The following OOEP variants were observed in gnomAD, a reference collection of about 807,000 sequenced individuals.
The protein encoded by OOEP is oocyte expressed protein, also known as oocyte-expressed protein homolog.
OOEP carries 16 observed loss-of-function variants against 13.7 expected under a neutral mutation model. That is an observed-to-expected ratio of 1.16 (90% CI 0.79 to 1.77). The LOEUF is 1.77. OOEP is among the 40% of genes most tolerant of loss of function. OOEP has a pLI of 0.00. For synonymous variants in OOEP, 89 were observed against 77.1 expected (o/e 1.15, Z -0.81); for missense variants, 195 against 193.1 (o/e 1.01, Z -0.06).
chr6:73,369,737 T>G lies in OOEP; in HGVS notation c.56A>C (p.His19Pro). Residue 19 changes from histidine (H) to proline (P), a missense_variant, in exon 1 of 3, where the codon CAC becomes CCC. Coordinates refer to ENST00000370359, the MANE Select transcript of OOEP (RefSeq NM_001080507.3). ...TAACCTACGCAGCTGCTCCAGGGAG[T>G]GGGCCGGAGTCTGTTTGCCCCGCTG... The part of the protein sequence containing the change: ...ESQRGKQTPA[H>P]SLEQLRRLPL... 6.2e-7 allele frequency: 1 copy of G among 1,613,940 alleles called. No homozygotes were observed. Among genetic ancestry groups the G allele is most frequent in the African/African-American group, 1.3e-5 (1 of 75,028 alleles).
intron 1 of OOEP, 64 bp downstream of exon 1, chr6:73,369,539 T>C: frequency 6.5e-7 from 1 of 1,545,074 alleles, no homozygotes; most frequent in Non-Finnish European, 8.9e-7. Context: ...TGTAGAGAGC[T>C]GCTCTGCCAA....
At chr6:73,372,694 C>A (rs1467018904), upstream of OOEP, among the ~76,000 whole-genome samples, 1 of 152,082 alleles carries the variant, frequency 6.6e-6, no homozygotes, top group Non-Finnish European at 1.5e-5. Flanking sequence ...GAAGCCAACA[C>A]CAGAGACTGA....
chr6:73,389,706 AG>A (rs1253022924), intron 2 of OOEP, among the ~76,000 whole-genome samples: 1 of 120,762 alleles, frequency 8.3e-6, no homozygotes, highest in African/African-American at 3.5e-5. Context: ...GGGTGGGGGG[AG>A]GGGGGAAGGG....
chr6:73,379,413 G>A (rs1769172542), intron 2 of OOEP, among the ~76,000 whole-genome samples: 1 of 151,300 alleles, frequency 6.6e-6, no homozygotes, highest in South Asian at 2.1e-4. Flanking sequence ...GGAGGCCAAG[G>A]CGGGTGGATC....
At chr6:73,369,000 T>C (rs996728838) in intron 2 of OOEP, 137 bp from the exon 3 acceptor site, 14 of 817,678 alleles carry the variant, frequency 1.7e-5, no homozygotes, top group Non-Finnish European at 2.6e-5. Flanking sequence ...ACTTGGGCAG[T>C]GATGGGTCTG....
intron 2 of OOEP, among the ~76,000 whole-genome samples, chr6:73,392,071 C>T (rs778343820): frequency 2.6e-5 from 4 of 152,154 alleles, no homozygotes; most frequent in Admixed American, 1.3e-4. Flanking sequence ...CCCTCTGCTT[C>T]TACTTTCTGG....
intron 2 of OOEP, among the ~76,000 whole-genome samples, chr6:73,389,540 A>G (rs1562280373): frequency 6.6e-6 from 1 of 152,136 alleles, no homozygotes; most frequent in African/African-American, 2.4e-5. Flanking sequence ...TTTTATCGCA[A>G]AAGGCTTAGG....
chr6:73,372,311 G>C (rs1472822904), upstream of OOEP, among the ~76,000 whole-genome samples: 1 of 152,032 alleles, frequency 6.6e-6, no homozygotes, highest in Non-Finnish European at 1.5e-5. Context: ...ATCTTGTGGG[G>C]ATCTTCTGCC....
chr6:73,369,750 G>T lies in OOEP; in HGVS notation c.43C>A (p.Gln15Lys), dbSNP rs201448640. The part of the protein sequence containing the change: ...AGAAESQRGK[Q>K]TPAHSLEQLR... ...TGCTCCAGGGAGTGGGCCGGAGTCT[G>T]TTTGCCCCGCTGGGACTCAGCGGCA... The change falls in exon 1 of 3, where the codon CAG (glutamine) becomes AAG (lysine). Residue 15 changes from glutamine to lysine, a missense_variant. Transcript: ENST00000370359. 1.9e-6 allele frequency: 3 copies of T among 1,613,978 alleles called. No homozygotes were observed. Among genetic ancestry groups the T allele is most frequent in the Non-Finnish European group, 2.5e-6 (3 of 1,179,880 alleles).
Position 73,369,835 on chromosome 6 carries a change from C to CT in OOEP, c.-44_-43insA. 1 of 1,569,976 alleles carries CT rather than the reference C, an allele frequency of 6.4e-7. No homozygotes were observed. The highest frequency in any genetic ancestry group is 8.7e-7 in the Non-Finnish European group (1 of 1,149,376). On this transcript the variant is annotated 5_prime_UTR_variant, in exon 1 of 3. Coordinates refer to ENST00000370359, the MANE Select transcript of OOEP (RefSeq NM_001080507.3). ...CGGAGCGCGCTCGAGGCGGCTTTCGCAAGACCTCTTCCAGACCCAGGCGCG... is the reference window on the plus strand; with the variant it reads ...CGGAGCGCGCTCGAGGCGGCTTTCGCTAAGACCTCTTCCAGACCCAGGCGCG...
intron 2 of OOEP, among the ~76,000 whole-genome samples, chr6:73,375,789 CCCTT>C (rs1769130605): frequency 1.9e-5 from 2 of 105,238 alleles, no homozygotes; most frequent in African/African-American, 3.6e-5. Flanking sequence ...ATAATGATCT[CCCTT>C]TTTTTTTTTT....
At chr6:73,373,965 A>C (rs1388704323), upstream of OOEP, among the ~76,000 whole-genome samples, 1 of 151,970 alleles carries the variant, frequency 6.6e-6, no homozygotes, top group Non-Finnish European at 1.5e-5. Flanking sequence ...CTGAGGCGGG[A>C]GGATCACTTG....
At chr6:73,384,311 A>G (rs1478117111) in intron 2 of OOEP, among the ~76,000 whole-genome samples, 2 of 152,184 alleles carry the variant, frequency 1.3e-5, no homozygotes, top group Non-Finnish European at 2.9e-5. Context: ...AACATTTCCG[A>G]CAAAGAAAAG....
upstream of OOEP, chr6:73,373,394 A>C: frequency 3.3e-6 from 3 of 897,806 alleles, no homozygotes; most frequent in African/African-American, 1.7e-5. Context: ...GCACGATCTC[A>C]GCTCACTGGG....
At chr6:73,369,919 C>T (rs1769022330), upstream of OOEP, 2 of 838,010 alleles carry the variant, frequency 2.4e-6, no homozygotes, top group Non-Finnish European at 3.7e-6. Flanking sequence ...CGGCGCCTCG[C>T]ACCGCGTCGG....
At chr6:73,394,203 G>A (rs780811312) in intron 2 of OOEP, 168 of 555,788 alleles carry the variant, frequency 3.0e-4, no homozygotes, top group Non-Finnish European at 9.1e-5. Context: ...TTTTAATTTT[G>A]TGGATTACAA....
At chr6:73,384,578 T>A (rs1350196648) in intron 2 of OOEP, among the ~76,000 whole-genome samples, 1 of 152,086 alleles carries the variant, frequency 6.6e-6, no homozygotes, top group Admixed American at 6.6e-5. Flanking sequence ...CTCATGCTGG[T>A]AATCTCAGCC....
At chr6:73,387,375 G>A (rs1434594650) in intron 2 of OOEP, among the ~76,000 whole-genome samples, 1 of 151,734 alleles carries the variant, frequency 6.6e-6, no homozygotes, top group Non-Finnish European at 1.5e-5. Context: ...TTAGCCGGGT[G>A]TGGTGGCAGG....
chr6:73,381,205 TAAAAAAAAAA>T (rs66507015), intron 2 of OOEP, among the ~76,000 whole-genome samples: 9 of 101,000 alleles, frequency 8.9e-5, no homozygotes, highest in East Asian at 2.8e-4. Context: ...AAAAAAGTGT[TAAAAAAAAAA>T]AAAAAAAAAA....
Sources: allele counts gnomAD v4.1 joint callset (sites outside exome capture counted in the v4.1 genomes callset), GRCh38; gene constraint gnomAD v4.1.1; transcripts MANE v1.5; gene names NCBI Gene and HGNC (gene_info 2026-07-23, HGNC 2026-07-21).